Variants in KCTD1 observed in about 807,000 individuals in gnomAD.
KCTD1 encodes potassium channel tetramerization domain containing 1.
A neutral mutation model predicts 66.0 loss-of-function variants in KCTD1; 24 were observed. The ratio of observed to expected loss-of-function variants is 0.36; its 90% confidence interval spans 0.26 to 0.51. KCTD1 has a LOEUF of 0.51. KCTD1 is among the 20% of genes least tolerant of loss of function. The pLI is 0.95. For missense variants in KCTD1, 943 were observed against 1,205.2 expected, an observed-to-expected ratio of 0.78 and a Z score of 3.22; for synonymous variants, 511 against 517.2, an observed-to-expected ratio of 0.99 and a Z score of 0.16.
intron 1 of KCTD1, among the ~76,000 whole-genome samples, chr18:26,621,583 C>T (rs1987386438): frequency 6.6e-6 from 1 of 152,098 alleles, no homozygotes; most frequent in African/African-American, 2.4e-5. Context: ...CGCCCCACCC[C>T]GAGCCGTCCT....
upstream of KCTD1, among the ~76,000 whole-genome samples, chr18:26,644,117 A>C (rs1240299548): frequency 6.6e-6 from 1 of 152,184 alleles, no homozygotes; most frequent in Non-Finnish European, 1.5e-5. Flanking sequence ...TCCCCTAGAA[A>C]GTACACTCTG....
chr18:26,553,782 T>C (rs2144861646), intron 1 of KCTD1, among the ~76,000 whole-genome samples: 1 of 151,870 alleles, frequency 6.6e-6, no homozygotes, highest in South Asian at 2.1e-4. Context: ...GGCTCTATTG[T>C]TTCCCAAGCT....
intron 1 of KCTD1, among the ~76,000 whole-genome samples, chr18:26,598,296 A>G (rs946859054): frequency 3.3e-5 from 5 of 152,174 alleles, no homozygotes; most frequent in Admixed American, 6.5e-5. Flanking sequence ...ATTTGTTTTC[A>G]TGGCTGAATA....
At chr18:26,533,798 C>A (rs1984560217) in intron 1 of KCTD1, among the ~76,000 whole-genome samples, 1 of 145,322 alleles carries the variant, frequency 6.9e-6, no homozygotes, top group African/African-American at 2.6e-5. Context: ...CCACTCCTGG[C>A]CTGTGAGAAT....
chr18:26,657,181 C>T (rs1598988837), intron 1 of KCTD1, among the ~76,000 whole-genome samples: 1 of 151,620 alleles, frequency 6.6e-6, no homozygotes, highest in African/African-American at 2.4e-5. Context: ...GAGGCGGCGG[C>T]CCCTGCCCCG....
chr18:26,532,690 C>T (rs796380431), intron 1 of KCTD1, among the ~76,000 whole-genome samples: 5 of 152,282 alleles, frequency 3.3e-5, no homozygotes, highest in African/African-American at 9.6e-5. Context: ...TCTGGCTTTA[C>T]GCAGTGCCTT....
chr18:26,594,620 G>T (rs1376346565), intron 1 of KCTD1, among the ~76,000 whole-genome samples: 3 of 152,168 alleles, frequency 2.0e-5, no homozygotes, highest in African/African-American at 7.2e-5. Context: ...TACTGGATCT[G>T]CAGGCCCTGG....
intron 1 of KCTD1, among the ~76,000 whole-genome samples, chr18:26,516,329 C>T (rs1983655280): frequency 6.6e-6 from 1 of 152,034 alleles, no homozygotes; most frequent in Non-Finnish European, 1.5e-5. Context: ...CTTGTTTATC[C>T]CATGGGAGGA....
chr18:26,585,319 C>T (rs1002942688), intron 1 of KCTD1, among the ~76,000 whole-genome samples: 16 of 152,238 alleles, frequency 1.1e-4, no homozygotes, highest in African/African-American at 3.6e-4. Context: ...ATACTTAAGG[C>T]CTAAAGTTAC....
At chr18:26,553,489 C>T (rs534071956), upstream of KCTD1, among the ~76,000 whole-genome samples, 1 of 152,154 alleles carries the variant, frequency 6.6e-6, no homozygotes, top group South Asian at 2.1e-4. Flanking sequence ...TAAATATACG[C>T]ACATTTATGT....
At chr18:26,464,599 T>A (rs1980621100) in intron 3 of KCTD1, among the ~76,000 whole-genome samples, 2 of 152,212 alleles carry the variant, frequency 1.3e-5, no homozygotes, top group Admixed American at 1.3e-4. Context: ...AGCTGACAGA[T>A]CCTTAACACT....
intron 1 of KCTD1, chr18:26,655,892 C>T (rs1036741457): frequency 2.6e-5 from 4 of 152,266 alleles, no homozygotes; most frequent in African/African-American, 9.6e-5. Flanking sequence ...TGGGGCTCGA[C>T]CTCACTTTTA....
chr18:26,588,654 AGGCTG>A (rs1416578700), intron 1 of KCTD1, among the ~76,000 whole-genome samples: 3 of 152,166 alleles, frequency 2.0e-5, no homozygotes, highest in African/African-American at 4.8e-5. Flanking sequence ...CATTTCTTGG[AGGCTG>A]GGCTGTCAAA....
At position 26,627,312 on chromosome 18, in the gene KCTD1, A is replaced by G. The variant is rs528392721; in HGVS notation, c.-16+1835T>C. ...TGTGTGTGTGTGTGTGCCTATAACA[A>G]AAGCTTAATGCCAGTAAGCCTAACT... On this transcript the variant is annotated intron_variant, in intron 1 of 4. Coordinates refer to the KCTD1 transcript ENST00000317932. Among the ~76,000 whole-genome samples, 10 of 150,850 alleles carry G rather than the reference A, an allele frequency of 6.6e-5. No homozygotes were observed. The South Asian group carries it at 2.1e-3, about 32-fold the overall frequency.
intron 2 of KCTD1, among the ~76,000 whole-genome samples, chr18:26,477,237 C>A (rs540625638): frequency 6.6e-6 from 1 of 152,080 alleles, no homozygotes; most frequent in Non-Finnish European, 1.5e-5. Context: ...TAGGTCTCAG[C>A]GCAAAAAGCA....
intron 1 of KCTD1, among the ~76,000 whole-genome samples, chr18:26,519,290 C>T (rs567769355): frequency 6.6e-6 from 1 of 152,316 alleles, no homozygotes; most frequent in African/African-American, 2.4e-5. Context: ...CAGAACATAA[C>T]TCCTTCCTGT....
intron 1 of KCTD1, among the ~76,000 whole-genome samples, chr18:26,502,770 T>C (rs916597400): frequency 4.6e-5 from 7 of 152,222 alleles, no homozygotes; most frequent in African/African-American, 1.4e-4. Context: ...TTTTCAAACA[T>C]GCAAACAATG....
Position 26,455,484 on chromosome 18 carries a change from CT to C in KCTD1, c.*258del, listed in dbSNP as rs55728005. 0.015 allele frequency: 2,639 copies of C among 178,760 alleles called. No individual in the cohort carries two copies. Among genetic ancestry groups the C allele is most frequent in the East Asian group, 0.036 (277 of 7,704 alleles). 11.1% of individuals were successfully genotyped at this position (178,760 alleles called of 1,614,324 possible). A position where few individuals can be genotyped will look rare whatever the true frequency, so the allele number is the denominator to read the frequency against. On this transcript the variant is annotated 3_prime_UTR_variant, in exon 5 of 5. Transcript: ENST00000580059. Reference sequence around the variant, plus strand: ...TCACAGCACCAACTGCGGCTGTCACCTTTTTTTTTTTTCTTTTTTGCATTTC... The same window carrying C: ...TCACAGCACCAACTGCGGCTGTCACCTTTTTTTTTTTCTTTTTTGCATTTC...
At chr18:26,466,206 A>G (rs890094063) in intron 3 of KCTD1, among the ~76,000 whole-genome samples, 5 of 152,228 alleles carry the variant, frequency 3.3e-5, no homozygotes, top group African/African-American at 1.2e-4. Context: ...TGGCTAAAGT[A>G]CAGGCATGGA....
Sources: gnomAD v4.1 joint callset for allele counts (sites outside exome capture counted in the v4.1 genomes callset) on GRCh38, gnomAD v4.1.1 for gene constraint, MANE v1.5 for transcripts, NCBI Gene and HGNC (gene_info 2026-07-23, HGNC 2026-07-21) for gene names.